The following ARHGEF9 variants were observed in gnomAD, a reference collection of about 807,000 sequenced individuals.
The protein encoded by ARHGEF9 is Cdc42 guanine nucleotide exchange factor 9.
ARHGEF9 carries 2 observed loss-of-function variants against 41.3 expected under a neutral mutation model. The observed-to-expected ratio is 0.05, with a 90% CI of 0.02 to 0.15. The LOEUF (loss-of-function observed/expected upper bound fraction) is 0.15, where lower values mean the gene tolerates loss of function less well. Ranked by LOEUF, ARHGEF9 falls within the 10% of genes least tolerant of loss-of-function variation. The pLI is 1.00. For missense variants in ARHGEF9, 225 were observed against 424.7 expected (o/e 0.53, Z 4.13); for synonymous variants, 160 against 154.4 (o/e 1.04, Z -0.27).
rs1556402337 is a variant in ARHGEF9, at chrX:63,706,494, T to C, written c.211-45A>G. 9 of 1,155,747 alleles carry C rather than the reference T, an allele frequency of 7.8e-6. No individual in the cohort carries two copies. In the South Asian group the frequency reaches 1.3e-4, roughly 17 times the overall value. ...AAAAATAATGAGTTAGCTTCCTTCTTTGGGAGGTTTCCAGGCAAGTAGAAA... is the reference window on the plus strand; with the variant it reads ...AAAAATAATGAGTTAGCTTCCTTCTCTGGGAGGTTTCCAGGCAAGTAGAAA... On this transcript the variant is annotated intron_variant, in intron 2 of 9. Coordinates refer to ENST00000671741, the MANE Select transcript of ARHGEF9 (RefSeq NM_001353921.2).
intron 2 of ARHGEF9, among the ~76,000 whole-genome samples, chrX:63,716,349 A>G (rs1368208414): frequency 2.7e-5 from 3 of 111,223 alleles, no homozygotes; most frequent in Non-Finnish European, 3.8e-5. Context: ...TTCTTGGAGT[A>G]TATCTGTTCC....
At chrX:63,726,109 C>G (rs781951548) in intron 1 of ARHGEF9, among the ~76,000 whole-genome samples, 5 of 112,102 alleles carry the variant, frequency 4.5e-5, no homozygotes, top group Non-Finnish European at 9.4e-5. Context: ...TCAGGTCCTG[C>G]CAGATGCATC....
chrX:63,671,148 C>T (rs1278634479), intron 6 of ARHGEF9: 1 of 112,398 alleles, frequency 8.9e-6, no homozygotes, highest in Non-Finnish European at 1.9e-5. Context: ...ATCTGGGAGA[C>T]AAGGGGGGTG....
intron 1 of ARHGEF9, among the ~76,000 whole-genome samples, chrX:63,776,994 C>T (rs1272079143): frequency 8.9e-6 from 1 of 111,800 alleles, no homozygotes; most frequent in Non-Finnish European, 1.9e-5. Context: ...CTAGTCATCT[C>T]CTCCCGCTAA....
At chrX:63,754,254 C>T (rs782745032) in intron 1 of ARHGEF9, 1 of 1,165,224 alleles carries the variant, frequency 8.6e-7, no homozygotes, top group Admixed American at 2.2e-5. Flanking sequence ...TACGCGCAGG[C>T]ATTCTTAAAA....
chrX:63,754,574 G>A, intron 1 of ARHGEF9: 2 of 1,086,981 alleles, frequency 1.8e-6, no homozygotes, highest in South Asian at 2.4e-5. Context: ...TGCACATCCA[G>A]GGTCATGGTG....
At chrX:63,784,398 AAC>A (rs1241239217) in intron 1 of ARHGEF9, among the ~76,000 whole-genome samples, 1 of 112,532 alleles carries the variant, frequency 8.9e-6, no homozygotes, top group Non-Finnish European at 1.9e-5. Flanking sequence ...GATTATACTA[AAC>A]ACACACACAA....
rs782445729 is a variant in ARHGEF9, at chrX:63,758,348, CA to C, written c.30+26767del. On this transcript the variant is annotated intron_variant, in intron 1 of 9. Transcript: ENST00000671741. ...AAGCTTGCCCCTCCAGCCCTCCCAC[CA>C]ATTTTGTAAGCACTTTATTTTCTAT... Among the ~76,000 whole-genome samples, 23 of 111,572 alleles carry C rather than the reference CA, an allele frequency of 2.1e-4. No homozygotes were observed. In the South Asian group the frequency reaches 8.3e-3, roughly 40 times the overall value.
At chrX:63,691,977 T>C (rs2051382115) in intron 4 of ARHGEF9, among the ~76,000 whole-genome samples, 3 of 111,803 alleles carry the variant, frequency 2.7e-5, no homozygotes, top group South Asian at 3.8e-4. Flanking sequence ...CTTCAACTTA[T>C]GTTCTTGGAC....
At chrX:63,678,920 T>C (rs1347600559) in intron 4 of ARHGEF9, among the ~76,000 whole-genome samples, 1 of 111,766 alleles carries the variant, frequency 8.9e-6, no homozygotes, top group Non-Finnish European at 1.9e-5. Flanking sequence ...TGACTCTACT[T>C]CTGGCAATGA....
chrX:63,636,230 A>G lies in ARHGEF9; in HGVS notation c.*1798T>C, dbSNP rs1294908891. On this transcript the variant is annotated 3_prime_UTR_variant, in exon 10 of 10. Transcript: ENST00000671741. Reference sequence around the variant, plus strand: ...TCCTGTCATGATGAAGTCTTCTCCCATGGGGTTTAGGACAGACTCCCAGTC... The same window carrying G: ...TCCTGTCATGATGAAGTCTTCTCCCGTGGGGTTTAGGACAGACTCCCAGTC... 1 of 111,452 alleles carries G rather than the reference A, an allele frequency of 9.0e-6. No individual in the cohort carries two copies. Among genetic ancestry groups the G allele is most frequent in the Non-Finnish European group, 1.9e-5 (1 of 53,118 alleles). 9.2% of individuals were successfully genotyped at this position (111,452 alleles called of 1,213,427 possible). A position where few individuals can be genotyped will look rare whatever the true frequency, so the allele number is the denominator to read the frequency against.
chrX:63,674,724 C>T (rs371190460), intron 5 of ARHGEF9, among the ~76,000 whole-genome samples: 2 of 111,621 alleles, frequency 1.8e-5, no homozygotes, highest in East Asian at 2.8e-4. Flanking sequence ...TGTTTATTAA[C>T]GCCCACTGTT....
intron 9 of ARHGEF9, chrX:63,640,242 T>C (rs2047538553): frequency 8.9e-6 from 1 of 112,219 alleles, no homozygotes; most frequent in Non-Finnish European, 1.9e-5. Flanking sequence ...TTTACAATTA[T>C]TACATATCAA....
intron 1 of ARHGEF9, chrX:63,766,997 A>G: frequency 1.4e-6 from 1 of 694,545 alleles, no homozygotes; most frequent in Non-Finnish European, 2.3e-6. Context: ...AGTTCTCCTT[A>G]AAGAAGTTAG....
At chrX:63,709,246 T>TA (rs1556405103) in intron 2 of ARHGEF9, 1 of 112,341 alleles carries the variant, frequency 8.9e-6, no homozygotes, top group Non-Finnish European at 1.9e-5. Context: ...GAAGTCCTCT[T>TA]AGAGTGCTTA....
intron 4 of ARHGEF9, among the ~76,000 whole-genome samples, chrX:63,687,986 T>C (rs1203817261): frequency 1.8e-5 from 2 of 111,059 alleles, no homozygotes; most frequent in Non-Finnish European, 3.8e-5. Flanking sequence ...TAGAGAAAGA[T>C]ATAAATATCC....
At chrX:63,646,015 C>T (rs1451576077) in intron 8 of ARHGEF9, among the ~76,000 whole-genome samples, 3 of 111,998 alleles carry the variant, frequency 2.7e-5, no homozygotes, top group Admixed American at 9.4e-5. Context: ...CTTTTGGCTG[C>T]ATAAATGTCT....
intron 1 of ARHGEF9, among the ~76,000 whole-genome samples, chrX:63,777,127 G>T (rs1274239484): frequency 8.9e-6 from 1 of 111,881 alleles, no homozygotes; most frequent in African/African-American, 3.3e-5. Context: ...AAGGAAAGAG[G>T]TGTAATTGAC....
chrX:63,707,012 C>T (rs2052589970), intron 2 of ARHGEF9, among the ~76,000 whole-genome samples: 1 of 112,229 alleles, frequency 8.9e-6, no homozygotes, highest in African/African-American at 3.2e-5. Context: ...CAACTATACA[C>T]CATTCACTGT....
Sources: allele counts gnomAD v4.1 joint callset (sites outside exome capture counted in the v4.1 genomes callset), GRCh38; gene constraint gnomAD v4.1.1; transcripts MANE v1.5; gene names NCBI Gene and HGNC (gene_info 2026-07-23, HGNC 2026-07-21).